ATN1: variants seen among roughly 807,000 people sequenced by gnomAD.
ATN1 encodes the protein atrophin-1.
A neutral mutation model predicts 85.8 loss-of-function variants in ATN1; 19 were observed. That is an observed-to-expected ratio of 0.22 (90% CI 0.15 to 0.32). The LOEUF (loss-of-function observed/expected upper bound fraction) is 0.32, where lower values mean the gene tolerates loss of function less well. ATN1 is among the 10% of genes least tolerant of loss of function. The pLI, the probability that ATN1 is intolerant of heterozygous loss-of-function variation, is 1.00. For synonymous variants in ATN1, 674 were observed against 657.0 expected (o/e 1.03, Z -0.39); for missense variants, 1,453 against 1,564.5 (o/e 0.93, Z 1.20).
At position 6,941,595 on chromosome 12, in the gene ATN1, G is replaced by C; in HGVS notation, c.3539+41G>C. On this transcript the variant is annotated intron_variant, in intron 9 of 9. Transcript: ENST00000396684. The surrounding 1 kb of genome is among the most constrained non-coding windows in gnomAD (Gnocchi z 5.9). ...CCAGCCCAGGGGACATGGGCTCAGC[G>C]AGCCTGGGAGGAGCTGTGGGCATGG... 6.2e-7 allele frequency: 1 copy of C among 1,609,822 alleles called. No individual in the cohort carries two copies. The highest frequency in any genetic ancestry group is 8.5e-7 in the Non-Finnish European group (1 of 1,177,408).
upstream of ATN1, among the ~76,000 whole-genome samples, chr12:6,927,860 C>A (rs782128845): frequency 2.0e-5 from 3 of 151,672 alleles, no homozygotes; most frequent in African/African-American, 7.2e-5. Context: ...CGCGCCGGGT[C>A]GGGGCCTCGG....
Position 6,935,434 on chromosome 12 carries a change from A to T in ATN1, c.280-113A>T. 8.3e-7 allele frequency: 1 copy of T among 1,203,464 alleles called. No individual in the cohort carries two copies. The highest frequency in any genetic ancestry group is 1.1e-6 in the Non-Finnish European group (1 of 873,656). 74.5% of individuals were successfully genotyped at this position (1,203,464 alleles called of 1,614,324 possible). ...GTGGGCTTGAGCAAGAGTACTCACC[A>T]CATCACAGTACAACAGTGTGCTGTG... On this transcript the variant is annotated intron_variant, in intron 4 of 9. Transcript: ENST00000396684. The surrounding 1 kb of genome is among the most constrained non-coding windows in gnomAD (Gnocchi z 5.3).
In ATN1 at chr12:6,937,689, C is replaced by T. The variant is rs782578056; in HGVS notation, c.2294+128C>T. On this transcript the variant is annotated intron_variant, in intron 5 of 9. Transcript: ENST00000396684. The surrounding 1 kb of genome is among the most constrained non-coding windows in gnomAD (Gnocchi z 6.0). ...TTTAGAAAAGCACGCCCCTCTCCTC[C>T]GTCCAGGCCTAGTGGCCAGTGAGGC... The T allele has an allele frequency of 5.8e-5, 83 of 1,431,382 alleles. No homozygotes were observed. The highest frequency in any genetic ancestry group is 2.4e-4 in the South Asian group (16 of 67,734). 88.7% of individuals were successfully genotyped at this position (1,431,382 alleles called of 1,614,324 possible). A position where few individuals can be genotyped will look rare whatever the true frequency, so the allele number is the denominator to read the frequency against.
chr12:6,941,389 A>G lies in ATN1; in HGVS notation c.3374A>G (p.Asp1125Gly). The change falls in exon 9 of 10, where the codon GAC becomes GGC. Residue 1125 changes from aspartate (D) to glycine (G), a missense_variant. Asp to Gly is a moderately conservative substitution (Grantham distance 94). Coordinates refer to ENST00000396684, the MANE Select transcript of ATN1 (RefSeq NM_001940.4). The surrounding 1 kb of genome is among the most constrained non-coding windows in gnomAD (Gnocchi z 5.9). ...RHQLFAAPYR[D>G]LPASLSAPMS... ...CTGCTCACAGCTGCCCCTTACCGGG[A>G]CCTGCCGGCCTCCCTTTCTGCCCCG... 6.2e-7 allele frequency: 1 copy of G among 1,602,408 alleles called. No individual in the cohort carries two copies. The highest frequency in any genetic ancestry group is 8.5e-7 in the Non-Finnish European group (1 of 1,173,528).
In ATN1 at chr12:6,935,536, C is replaced by G. The variant is rs1555143435; in HGVS notation, c.280-11C>G. 1.9e-6 allele frequency: 3 copies of G among 1,605,220 alleles called. No homozygotes were observed. The highest frequency in any genetic ancestry group is 3.4e-5 in the Admixed American group (2 of 59,202). On this transcript the variant is annotated splice_polypyrimidine_tract_variant and intron_variant, in intron 4 of 9. Transcript: ENST00000396684. The surrounding 1 kb of genome is among the most constrained non-coding windows in gnomAD (Gnocchi z 5.3). ...GGAAAAGAGAAAAAATGAGTCTTCCCTTTTCTACAGCAGGAACTCCCTCGG... is the reference window on the plus strand; with the variant it reads ...GGAAAAGAGAAAAAATGAGTCTTCCGTTTTCTACAGCAGGAACTCCCTCGG...
chr12:6,939,396 CTCCATAGTCTAGTA>C (rs1945603363), intron 7 of ATN1, among the ~76,000 whole-genome samples: 1 of 152,262 alleles, frequency 6.6e-6, no homozygotes. Context: ...GCCCAGTTCT[CTCCATAGTCTAGTA>C]TCCTTCCCAT....
rs1225204881 is a variant in ATN1, at chr12:6,934,120, TAA to T, written c.28-54_28-53del. On this transcript the variant is annotated intron_variant, in intron 2 of 9. Coordinates refer to ENST00000396684, the MANE Select transcript of ATN1 (RefSeq NM_001940.4). The surrounding 1 kb of genome is among the most constrained non-coding windows in gnomAD (Gnocchi z 4.5). ...GAAGAAGAACAAATAATGTGCACCATAAAGTTAGGTGCAATGTAAAGAACAGT... is the reference window on the plus strand; with the variant it reads ...GAAGAAGAACAAATAATGTGCACCATAGTTAGGTGCAATGTAAAGAACAGT... The T allele has an allele frequency of 1.9e-6, 3 of 1,612,466 alleles. No individual in the cohort carries two copies. The African/African-American group carries it at 4.0e-5, about 22-fold the overall frequency.
intron 1 of ATN1, among the ~76,000 whole-genome samples, chr12:6,932,547 GGATAAA>G (rs1315655457): frequency 2.0e-5 from 3 of 152,186 alleles, no homozygotes; most frequent in Non-Finnish European, 2.9e-5. Flanking sequence ...ATAGGGATTT[GGATAAA>G]GATAGATACC....
rs1395366848 is a variant in ATN1, at chr12:6,938,043, G to A, written c.2493G>A (p.Lys831=). The change falls in exon 6 of 10, where the codon AAG becomes AAA. Residue 831 remains lysine (K), a synonymous_variant. Coordinates refer to ENST00000396684, the MANE Select transcript of ATN1 (RefSeq NM_001940.4). ...REREKERERE[K]ERELERSVKL... is the part of the protein sequence containing the mutation. Reference sequence around the variant, plus strand: ...GCGAGAAAGAGCGCGAGCGCGAGAAGGAGCGCGAGCTTGAACGCAGCGTGG... The same window carrying A: ...GCGAGAAAGAGCGCGAGCGCGAGAAAGAGCGCGAGCTTGAACGCAGCGTGG... 1.3e-6 allele frequency: 2 copies of A among 1,545,980 alleles called. No individual in the cohort carries two copies. The highest frequency in any genetic ancestry group is 1.7e-6 in the Non-Finnish European group (2 of 1,146,138).
upstream of ATN1, among the ~76,000 whole-genome samples, chr12:6,925,109 TGC>T (rs1455296834): frequency 1.5e-5 from 2 of 130,298 alleles, no homozygotes; most frequent in South Asian, 2.5e-4. Flanking sequence ...GCTGTGTGTG[TGC>T]GTGTGCGTGT....
At chr12:6,930,639 CA>C (rs1945449481) in intron 1 of ATN1, among the ~76,000 whole-genome samples, 1 of 151,784 alleles carries the variant, frequency 6.6e-6, no homozygotes, top group Non-Finnish European at 1.5e-5. Context: ...AGTAAAAATA[CA>C]AAAAAATTAG....
rs782045674 is a variant in ATN1 at position 6,938,475 on chromosome 12, C to T, written c.2518-6C>T. 1 of 1,599,132 alleles carries T rather than the reference C, an allele frequency of 6.3e-7. No homozygotes were observed. Among genetic ancestry groups the T allele is most frequent in the African/African-American group, 1.3e-5 (1 of 74,766 alleles). ...CTTTGACTCCACTTTTCCCTGTATCCCACAGAAGTTGGCTCAGGAGGGCCG... is the reference window on the plus strand; with the variant it reads ...CTTTGACTCCACTTTTCCCTGTATCTCACAGAAGTTGGCTCAGGAGGGCCG... On this transcript the variant is annotated splice_polypyrimidine_tract_variant and splice_region_variant and intron_variant, in intron 6 of 9. Coordinates refer to ENST00000396684, the MANE Select transcript of ATN1 (RefSeq NM_001940.4).
In ATN1 at chr12:6,935,149, A is replaced by G. The variant is rs782187364; in HGVS notation, c.280-398A>G. Reference sequence around the variant, plus strand: ...GTGATCCGCCCGCTTCAGCTTCCCAAAGTGCTGGGATTACAGGTGTAAGCC... The same window carrying G: ...GTGATCCGCCCGCTTCAGCTTCCCAGAGTGCTGGGATTACAGGTGTAAGCC... On this transcript the variant is annotated intron_variant, in intron 4 of 9. Coordinates refer to ENST00000396684, the MANE Select transcript of ATN1 (RefSeq NM_001940.4). This position sits in a 1 kb window ranked among gnomAD's most constrained non-coding sequence, Gnocchi z 5.3. Among the ~76,000 whole-genome samples, 28 of 152,236 alleles carry G rather than the reference A, an allele frequency of 1.8e-4. No individual in the cohort carries two copies. The highest frequency in any genetic ancestry group is 6.0e-4 in the African/African-American group (25 of 41,520).
chr12:6,928,523 T>TC (rs1348977021), intron 1 of ATN1, 139 bp downstream of exon 1: 1 of 147,334 alleles, frequency 6.8e-6, no homozygotes, highest in Non-Finnish European at 1.5e-5. Context: ...CCCAATCCCG[T>TC]CCCCCCACTG....
At chr12:6,940,723 C>A (rs782468078) in intron 7 of ATN1, among the ~76,000 whole-genome samples, 157 bp from the exon 8 acceptor site, 3 of 152,334 alleles carry the variant, frequency 2.0e-5, no homozygotes, top group Admixed American at 6.5e-5. Flanking sequence ...CCTGTCCACC[C>A]CTGCCAGGCC....
chr12:6,926,324 A>C, upstream of ATN1, among the ~76,000 whole-genome samples: 1 of 152,014 alleles, frequency 6.6e-6, no homozygotes, highest in Non-Finnish European at 1.5e-5. Flanking sequence ...TTTGAGAAGG[A>C]AAATGGAGAT....
Position 6,937,961 on chromosome 12 carries a change from GGCGCGAGGCCGAGCAGCGCGC to G in ATN1, c.2418_2438del (p.Ala807_Glu813del). On this transcript the variant is annotated inframe_deletion, in exon 6 of 10. Transcript: ENST00000396684. The surrounding 1 kb of genome is among the most constrained non-coding windows in gnomAD (Gnocchi z 6.0). ...CGGGCCGACCTGGTGGAGAAGGTGC[GGCGCGAGGCCGAGCAGCGCGC>G]GCGCGAAGAAAAGGAGCGCGAGCGC... 1 of 1,569,088 alleles carries G rather than the reference GGCGCGAGGCCGAGCAGCGCGC, an allele frequency of 6.4e-7. No homozygotes were observed. The highest frequency in any genetic ancestry group is 8.6e-7 in the Non-Finnish European group (1 of 1,158,148).
rs782394189 is a variant in ATN1, at chr12:6,937,298, G to A, written c.2031G>A (p.Ser677=). 6.3e-7 allele frequency: 1 copy of A among 1,593,248 alleles called. No homozygotes were observed. The change falls in exon 5 of 10, where the codon TCG becomes TCA. Residue 677 remains serine (S), a synonymous_variant. Coordinates refer to ENST00000396684, the MANE Select transcript of ATN1 (RefSeq NM_001940.4). The surrounding 1 kb of genome is among the most constrained non-coding windows in gnomAD (Gnocchi z 6.0). ...CCCCACCGGGCTATCGAGGAACCTC[G>A]CCACCTGCAGGCCCAGGGACCTTCA... The part of the protein sequence containing the change: ...TGTPPGYRGT[S]PPAGPGTFKP...
At chr12:6,930,499 T>G (rs1190808010) in intron 1 of ATN1, among the ~76,000 whole-genome samples, 1 of 152,186 alleles carries the variant, frequency 6.6e-6, no homozygotes, top group Non-Finnish European at 1.5e-5. Context: ...CATTTTCTTT[T>G]TAAAGTAAGG....
Sources: allele counts gnomAD v4.1 joint callset (sites outside exome capture counted in the v4.1 genomes callset), GRCh38; gene constraint gnomAD v4.1.1; non-coding constraint Gnocchi (gnomAD v3.1); transcripts MANE v1.5; gene names NCBI Gene and HGNC (gene_info 2026-07-23, HGNC 2026-07-21).